The following ZNF772 variants were observed in gnomAD, a reference collection of about 807,000 sequenced individuals.
ZNF772 encodes zinc finger protein 772.
Under a neutral mutation model 11.0 loss-of-function variants are expected in ZNF772, and 8 were observed. The observed-to-expected ratio is 0.73, with a 90% CI of 0.43 to 1.31. The LOEUF is 1.31. Ranked by LOEUF, ZNF772 falls within the 50% of genes most tolerant of loss-of-function variation. ZNF772 has a pLI of 0.01. For synonymous variants in ZNF772, 155 were observed against 180.4 expected (o/e 0.86, Z 1.13); for missense variants, 496 against 552.3 (o/e 0.90, Z 1.02).
In ZNF772 at chr19:57,477,343, T is replaced by A. The variant is rs200947873; in HGVS notation, c.-34A>T. On this transcript the variant is annotated 5_prime_UTR_variant, in exon 1 of 4. Coordinates refer to ENST00000356584, the MANE Select transcript of ZNF772 (RefSeq NM_001144068.2). ...TGGACTACGGAAGGGTGGCGACAAG[T>A]GCAGGAACCTGGGATCAGCTGTCCA... The A allele has an allele frequency of 1.0e-4, 168 of 1,612,430 alleles. No homozygotes were observed. The highest frequency in any genetic ancestry group is 1.3e-4 in the Non-Finnish European group (157 of 1,179,356).
At position 57,475,642 on chromosome 19, in the gene ZNF772, T is replaced by C. The variant is rs764052108; in HGVS notation, c.199+18A>G. On this transcript the variant is annotated intron_variant, in intron 3 of 3. Transcript: ENST00000356584. This position sits in a 1 kb window ranked among gnomAD's most constrained non-coding sequence, Gnocchi z 4.2. ...CAGGACCCAGTCCAAGTCACTGGGG[T>C]GGATGTGACGGCCTTACCCAGAGAG... The C allele has an allele frequency of 2.5e-6, 4 of 1,613,540 alleles. No homozygotes were observed. Among genetic ancestry groups the C allele is most frequent in the Non-Finnish European group, 2.5e-6 (3 of 1,179,684 alleles).
Position 57,475,046 on chromosome 19 carries a change from C to A in ZNF772, c.199+614G>T, listed in dbSNP as rs1440161288. On this transcript the variant is annotated intron_variant, in intron 3 of 3. Coordinates refer to ENST00000356584, the MANE Select transcript of ZNF772 (RefSeq NM_001144068.2). This position sits in a 1 kb window ranked among gnomAD's most constrained non-coding sequence, Gnocchi z 4.2. ...CACCAGGGTCACTCCCACCTGGAGT[C>A]TCTGTGGCAACAGCTAGGGTCATGT... 1 of 1,614,116 alleles carries A rather than the reference C, an allele frequency of 6.2e-7. No individual in the cohort carries two copies. Among genetic ancestry groups the A allele is most frequent in the African/African-American group, 1.3e-5 (1 of 74,936 alleles).
At position 57,474,228 on chromosome 19, in the gene ZNF772, G is replaced by A. The variant is rs1286924100; in HGVS notation, c.393C>T (p.Tyr131=). 1.2e-6 allele frequency: 2 copies of A among 1,614,054 alleles called. No individual in the cohort carries two copies. Among genetic ancestry groups the A allele is most frequent in the East Asian group, 4.5e-5 (2 of 44,894 alleles). ...HQETHPGQKP[Y]MCVLCGKQFC... ...ACTGTTTCCCACACAGCACACACATGTATGGTTTCTGCCCTGGGTGTGTTT... is the reference window on the plus strand; with the variant it reads ...ACTGTTTCCCACACAGCACACACATATATGGTTTCTGCCCTGGGTGTGTTT... The change falls in exon 4 of 4, where the codon TAC becomes TAT. Residue 131 remains tyrosine (Y), a synonymous_variant. Transcript: ENST00000356584.
rs1367732113 is a variant in ZNF772 at position 57,473,176 on chromosome 19, TCTACTTCTGGCTGTCGG to T, written c.*81_*97del. The T allele has an allele frequency of 8.1e-6, 10 of 1,240,320 alleles. No homozygotes were observed. The highest frequency in any genetic ancestry group is 1.1e-5 in the Non-Finnish European group (10 of 902,582). 76.8% of individuals were successfully genotyped at this position (1,240,320 alleles called of 1,614,324 possible). ...GGGTGAGTGTTTGAGTGTATAAAGT[TCTACTTCTGGCTGTCGG>T]CTACACATAAAGGCTATGCTTGGAG... is the stretch of plus-strand genomic sequence containing the variant. On this transcript the variant is annotated 3_prime_UTR_variant, in exon 4 of 4. Transcript: ENST00000356584.
chr19:57,475,154 A>G lies in ZNF772; in HGVS notation c.199+506T>C. 1 of 1,614,162 alleles carries G rather than the reference A, an allele frequency of 6.2e-7. No individual in the cohort carries two copies. ...ACATGAAAGATGTATGTCCTAAGGG[A>G]AAGATAGAACAGCACTGGTCTGGGT... On this transcript the variant is annotated intron_variant, in intron 3 of 3. Coordinates refer to ENST00000356584, the MANE Select transcript of ZNF772 (RefSeq NM_001144068.2). The surrounding 1 kb of genome is among the most constrained non-coding windows in gnomAD (Gnocchi z 4.2).
In ZNF772 at chr19:57,475,174, C is replaced by T; in HGVS notation, c.199+486G>A. On this transcript the variant is annotated intron_variant, in intron 3 of 3. Coordinates refer to ENST00000356584, the MANE Select transcript of ZNF772 (RefSeq NM_001144068.2). The surrounding 1 kb of genome is among the most constrained non-coding windows in gnomAD (Gnocchi z 4.2). ...AAGGGAAAGATAGAACAGCACTGGT[C>T]TGGGTAACCCATATAGAAAACTAAA... The T allele has an allele frequency of 6.2e-7, 1 of 1,612,346 alleles. No individual in the cohort carries two copies. Among genetic ancestry groups the T allele is most frequent in the Non-Finnish European group, 8.5e-7 (1 of 1,179,100 alleles).
Position 57,475,649 on chromosome 19 carries a change from G to A in ZNF772, c.199+11C>T, listed in dbSNP as rs1689203765. ...CAGTCCAAGTCACTGGGGTGGATGT[G>A]ACGGCCTTACCCAGAGAGGCCATAA... On this transcript the variant is annotated intron_variant, in intron 3 of 3. Coordinates refer to ENST00000356584, the MANE Select transcript of ZNF772 (RefSeq NM_001144068.2). The surrounding 1 kb of genome is among the most constrained non-coding windows in gnomAD (Gnocchi z 4.2). 1 of 1,613,664 alleles carries A rather than the reference G, an allele frequency of 6.2e-7. No homozygotes were observed. The highest frequency in any genetic ancestry group is 1.3e-5 in the African/African-American group (1 of 74,912).
chr19:57,477,461 T>C lies in ZNF772; in HGVS notation c.-152A>G. The C allele has an allele frequency of 2.7e-6, 2 of 739,216 alleles. No individual in the cohort carries two copies. Among genetic ancestry groups the C allele is most frequent in the South Asian group, 4.0e-5 (2 of 50,168 alleles). The allele number at this position is 739,216 out of a possible 1,614,324, so 45.8% of individuals were successfully genotyped here. A position where few individuals can be genotyped will look rare whatever the true frequency, so the allele number is the denominator to read the frequency against. ...GGGAAGAAGACACTCTCTCACGTTT[T>C]CCCTTTTCTGTCACCTCAGGTCTGA... is the stretch of plus-strand genomic sequence containing the variant. On this transcript the variant is annotated 5_prime_UTR_variant, in exon 1 of 4. Coordinates refer to ENST00000356584, the MANE Select transcript of ZNF772 (RefSeq NM_001144068.2).
rs1335513508 is a variant in ZNF772 at position 57,470,774 on chromosome 19, C to T, written c.*2500G>A. On this transcript the variant is annotated 3_prime_UTR_variant, in exon 4 of 4. Transcript: ENST00000356584. ...AATAATATTTTGAAAAATTTGAGTA[C>T]TTAAATAAAACAGAAAAACTCCTTG... 6.6e-6 allele frequency: 1 copy of T among 152,040 alleles called. No individual in the cohort carries two copies. Among genetic ancestry groups the T allele is most frequent in the Non-Finnish European group, 1.5e-5 (1 of 68,002 alleles). 9.4% of individuals were successfully genotyped at this position (152,040 alleles called of 1,614,324 possible).
Position 57,473,279 on chromosome 19 carries a change from G to A in ZNF772, c.1342C>T (p.Pro448Ser). The change falls in exon 4 of 4, where the codon CCT becomes TCT. Residue 448 changes from proline to serine, a missense_variant. Pro to Ser is a moderately conservative substitution (Grantham distance 74). Transcript: ENST00000356584. ...AAACGGAATTATCTCCCATCCTAAGGCCTTTCTCCAGTGTGAATTTTCCAG... is the reference window on the plus strand; with the variant it reads ...AAACGGAATTATCTCCCATCCTAAGACCTTTCTCCAGTGTGAATTTTCCAG... ...RHWKIHTGER[P>S] is the part of the protein sequence containing the mutation. 1 of 1,611,890 alleles carries A rather than the reference G, an allele frequency of 6.2e-7. No individual in the cohort carries two copies. The highest frequency in any genetic ancestry group is 8.5e-7 in the Non-Finnish European group (1 of 1,178,436).
rs1383250184 is a variant in ZNF772 at position 57,474,412 on chromosome 19, T to A, written c.209A>T (p.His70Leu). ...FALMASLGCW[H>L]GMEDEEIPFE... ...AGGTATCTCTTCATCCTCCATTCCATGCCAACAACCTGAAAGCAGAGAAAT... is the reference window on the plus strand; with the variant it reads ...AGGTATCTCTTCATCCTCCATTCCAAGCCAACAACCTGAAAGCAGAGAAAT... Residue 70 changes from histidine to leucine, a missense_variant, in exon 4 of 4, where the codon CAT (histidine) becomes CTT (leucine). Coordinates refer to ENST00000356584, the MANE Select transcript of ZNF772 (RefSeq NM_001144068.2). 4 of 1,601,482 alleles carry A rather than the reference T, an allele frequency of 2.5e-6. No individual in the cohort carries two copies. The highest frequency in any genetic ancestry group is 3.4e-6 in the Non-Finnish European group (4 of 1,176,264).
rs1490762514 is a variant in ZNF772 at position 57,475,330 on chromosome 19, C to T, written c.199+330G>A. On this transcript the variant is annotated intron_variant, in intron 3 of 3. Coordinates refer to ENST00000356584, the MANE Select transcript of ZNF772 (RefSeq NM_001144068.2). The surrounding 1 kb of genome is among the most constrained non-coding windows in gnomAD (Gnocchi z 4.2). ...GGAAATGTCAGCTAAAGGAAGAGCG[C>T]AGAATCCCAGGCACAGAGGTGTCAT... Among the ~76,000 whole-genome samples, 3 of 152,126 alleles carry T rather than the reference C, an allele frequency of 2.0e-5. No individual in the cohort carries two copies. The highest frequency in any genetic ancestry group is 7.2e-5 in the African/African-American group (3 of 41,416).
chr19:57,477,202 C>T (rs1403219245), intron 1 of ZNF772, 75 bp downstream of exon 1: 2 of 1,601,136 alleles, frequency 1.2e-6, no homozygotes, highest in Admixed American at 3.4e-5. Flanking sequence ...TGCAGTAACC[C>T]GAGGAATCGT....
In ZNF772 at chr19:57,472,392, C is replaced by T. The variant is rs1438401280; in HGVS notation, c.*882G>A. The T allele has an allele frequency of 6.3e-6, 2 of 317,292 alleles. No individual in the cohort carries two copies. Among genetic ancestry groups the T allele is most frequent in the Non-Finnish European group, 1.2e-5 (2 of 161,368 alleles). The allele number at this position is 317,292 out of a possible 1,614,324, so 19.7% of individuals were successfully genotyped here. A position where few individuals can be genotyped will look rare whatever the true frequency, so the allele number is the denominator to read the frequency against. The stretch of plus-strand genomic sequence containing the variant: ...ACGTAATTCATGTTGCTCCCAGACA[C>T]ATTAGAGATTATCACAACAAATGCC... On this transcript the variant is annotated 3_prime_UTR_variant, in exon 4 of 4. Transcript: ENST00000356584.
In ZNF772 at chr19:57,472,279, A is replaced by G; in HGVS notation, c.*995T>C. ...GCCAATATCAACTGCCTACTGAAAA[A>G]TAGACTTCAGAGATCTTGACATGTC... On this transcript the variant is annotated 3_prime_UTR_variant, in exon 4 of 4. Transcript: ENST00000356584. 2.3e-6 allele frequency: 1 copy of G among 426,092 alleles called. No individual in the cohort carries two copies. Among genetic ancestry groups the G allele is most frequent in the Non-Finnish European group, 4.7e-6 (1 of 214,520 alleles). 26.4% of individuals were successfully genotyped at this position (426,092 alleles called of 1,614,324 possible).
Position 57,469,744 on chromosome 19 carries a change from G to A in ZNF772, c.*3530C>T, listed in dbSNP as rs2123137339. The A allele has an allele frequency of 6.6e-6, 1 of 152,222 alleles. No homozygotes were observed. The highest frequency in any genetic ancestry group is 3.4e-3 in the Middle Eastern group (1 of 294). 9.4% of individuals were successfully genotyped at this position (152,222 alleles called of 1,614,324 possible). A position where few individuals can be genotyped will look rare whatever the true frequency, so the allele number is the denominator to read the frequency against. ...ATTGCTGGAACCAAAACCACAGAAT[G>A]TCAATAAAGATAGAAAAAACTTAAA... is the stretch of plus-strand genomic sequence containing the variant. On this transcript the variant is annotated 3_prime_UTR_variant, in exon 4 of 4. Transcript: ENST00000356584.
At position 57,477,336 on chromosome 19, in the gene ZNF772, C is replaced by A. The variant is rs749489109; in HGVS notation, c.-27G>T. The stretch of plus-strand genomic sequence containing the variant: ...AGGCCTGTGGACTACGGAAGGGTGG[C>A]GACAAGTGCAGGAACCTGGGATCAG... On this transcript the variant is annotated 5_prime_UTR_variant, in exon 1 of 4. Transcript: ENST00000356584. 51 of 1,612,896 alleles carry A rather than the reference C, an allele frequency of 3.2e-5. No individual in the cohort carries two copies. In the Admixed American group the frequency reaches 7.4e-4, roughly 23 times the overall value.
In ZNF772 at chr19:57,473,952, C is replaced by T; in HGVS notation, c.669G>A (p.Arg223=). ...KCEEASHCGK[R]HYKCSECGKT... is the part of the protein sequence containing the mutation. ...TCCCACATTCACTGCATTTGTAATG[C>T]CTTTTTCCACAGTGAGAGGCCTCCT... is the stretch of plus-strand genomic sequence containing the variant. The change falls in exon 4 of 4, where the codon AGG becomes AGA. Residue 223 remains arginine, a synonymous_variant. Coordinates refer to ENST00000356584, the MANE Select transcript of ZNF772 (RefSeq NM_001144068.2). The T allele has an allele frequency of 6.2e-7, 1 of 1,614,228 alleles. No individual in the cohort carries two copies. Among genetic ancestry groups the T allele is most frequent in the Non-Finnish European group, 8.5e-7 (1 of 1,180,046 alleles).
At position 57,474,027 on chromosome 19, in the gene ZNF772, C is replaced by G. The variant is rs149042633; in HGVS notation, c.594G>C (p.Glu198Asp). ...KDFLASSSIF[E>D]HHAPHNEWKP... Reference sequence around the variant, plus strand: ...TCCACTCATTGTGAGGGGCATGGTGCTCGAAAATGCTTGAGCTGGCTAGGA... The same window carrying G: ...TCCACTCATTGTGAGGGGCATGGTGGTCGAAAATGCTTGAGCTGGCTAGGA... Residue 198 changes from glutamate to aspartate, a missense_variant, in exon 4 of 4, where the codon GAG (glutamate) becomes GAC (aspartate). Coordinates refer to ENST00000356584, the MANE Select transcript of ZNF772 (RefSeq NM_001144068.2). The G allele has an allele frequency of 2.2e-5, 35 of 1,614,022 alleles. No individual in the cohort carries two copies. In the African/African-American group the frequency reaches 4.5e-4, roughly 21 times the overall value.
Sources: gnomAD v4.1 joint callset for allele counts (sites outside exome capture counted in the v4.1 genomes callset) on GRCh38, gnomAD v4.1.1 for gene constraint, Gnocchi (gnomAD v3.1) non-coding constraint, MANE v1.5 for transcripts, NCBI Gene and HGNC (gene_info 2026-07-23, HGNC 2026-07-21) for gene names.